CA1: variants seen among roughly 807,000 people sequenced by gnomAD.
The protein encoded by CA1 is carbonic anhydrase 1, also known as carbonate dehydratase I.
CA1 carries 27 observed loss-of-function variants against 28.8 expected under a neutral mutation model. That is an observed-to-expected ratio of 0.94 (90% CI 0.69 to 1.29). The LOEUF (loss-of-function observed/expected upper bound fraction) is 1.29. Among genes scored for constraint, CA1 ranks in the 50% most tolerant of loss-of-function variants. The pLI, the probability that CA1 is intolerant of heterozygous loss-of-function variation, is 0.00. For missense variants in CA1, 335 were observed against 310.5 expected, an observed-to-expected ratio of 1.08 and a Z score of -0.59; for synonymous variants, 121 against 108.8, an observed-to-expected ratio of 1.11 and a Z score of -0.70.
intron 1 of CA1, among the ~76,000 whole-genome samples, chr8:85,371,703 G>A (rs966632807): frequency 2.6e-5 from 4 of 152,138 alleles, no homozygotes; most frequent in Admixed American, 2.0e-4. Context: ...TTTGCTGAGC[G>A]TGAGTGAAGC....
At chr8:85,336,889 G>T in intron 4 of CA1, 56 bp downstream of exon 4, 1 of 1,020,904 alleles carries the variant, frequency 9.8e-7, no homozygotes, top group Non-Finnish European at 1.6e-6. Flanking sequence ...GAAGGGAGAA[G>T]CTGCTTCTGG....
intron 7 of CA1, 25 bp downstream of exon 7, chr8:85,329,664 A>T: frequency 6.3e-7 from 1 of 1,594,176 alleles, no homozygotes; most frequent in Non-Finnish European, 8.6e-7. Flanking sequence ...ACGCATTCCC[A>T]GTTCCCATTC....
chr8:85,344,201 AGTATAT>A (rs1809050687), intron 1 of CA1, among the ~76,000 whole-genome samples: 1 of 112,032 alleles, frequency 8.9e-6, no homozygotes, highest in African/African-American at 5.0e-5. Context: ...TATATTATAC[AGTATAT>A]AATATAATTA....
intron 1 of CA1, among the ~76,000 whole-genome samples, chr8:85,368,401 C>G (rs753735948): frequency 6.6e-6 from 1 of 151,974 alleles, no homozygotes; most frequent in Non-Finnish European, 1.5e-5. Context: ...AACTCCTGAC[C>G]TCATGATCTG....
chr8:85,339,086 A>G (rs1808807029), intron 2 of CA1, among the ~76,000 whole-genome samples: 1 of 152,202 alleles, frequency 6.6e-6, no homozygotes. Context: ...CTCATAGTCT[A>G]TAGAATCAGA....
chr8:85,361,366 G>C (rs1048450138), intron 1 of CA1, among the ~76,000 whole-genome samples: 1 of 152,166 alleles, frequency 6.6e-6, no homozygotes, highest in Non-Finnish European at 1.5e-5. Context: ...AGATAATAAA[G>C]AAGAAAATGT....
chr8:85,375,101 G>A (rs1412953941), intron 1 of CA1, among the ~76,000 whole-genome samples: 1 of 152,170 alleles, frequency 6.6e-6, no homozygotes, highest in Non-Finnish European at 1.5e-5. Flanking sequence ...GATCTTGGAA[G>A]TAAATCAAGC....
Position 85,376,706 on chromosome 8 carries a change from T to A in CA1, c.-25+1340A>T, listed in dbSNP as rs185984264. Among the ~76,000 whole-genome samples, 117 of 138,088 alleles carry A rather than the reference T, an allele frequency of 8.5e-4. No homozygotes were observed. The South Asian group carries it at 0.02, about 24-fold the overall frequency. The allele number at this position is 138,088 out of a possible 152,430, so 90.6% of individuals were successfully genotyped here. On this transcript the variant is annotated intron_variant, in intron 1 of 7. Transcript: ENST00000523022. ...ATAAATAAATAAATAAATAAATAAA[T>A]AAAACTAGGTAAGGGTACACATGAT...
In CA1 at chr8:85,351,493, A is replaced by G. The variant is rs142049263; in HGVS notation, c.-24-9834T>C. Among the ~76,000 whole-genome samples the G allele has an allele frequency of 4.1e-3, 625 of 152,346 alleles. 4 individuals are homozygous for G. The highest frequency in any genetic ancestry group is 0.014 in the African/African-American group (595 of 41,582). ...TGACAGCACTGCTCTAGCATGATGG[A>G]CATGCCTTCTGTATGAGATGAGTAT... On this transcript the variant is annotated intron_variant, in intron 1 of 7. Transcript: ENST00000523022.
chr8:85,357,588 A>G (rs1054966698), intron 1 of CA1, among the ~76,000 whole-genome samples: 1 of 152,200 alleles, frequency 6.6e-6, no homozygotes, highest in South Asian at 2.1e-4. Context: ...TATTATTTCA[A>G]ATTTGAAGGT....
At chr8:85,336,915 A>T in intron 4 of CA1, 30 bp downstream of exon 4, 1 of 1,276,582 alleles carries the variant, frequency 7.8e-7, no homozygotes, top group Non-Finnish European at 1.1e-6. Flanking sequence ...CTCTCAGGGT[A>T]ATTATCTCTC....
At chr8:85,368,758 T>A (rs1810107383) in intron 1 of CA1, among the ~76,000 whole-genome samples, 1 of 152,134 alleles carries the variant, frequency 6.6e-6, no homozygotes, top group South Asian at 2.1e-4. Context: ...CTTTATACTA[T>A]CTTGGGGGCA....
intron 1 of CA1, among the ~76,000 whole-genome samples, chr8:85,362,854 A>G (rs1809852245): frequency 6.6e-6 from 1 of 152,168 alleles, no homozygotes; most frequent in African/African-American, 2.4e-5. Context: ...TTTTGATGAA[A>G]ATATCAATGC....
chr8:85,367,275 A>T (rs1810044350), intron 1 of CA1, among the ~76,000 whole-genome samples: 1 of 152,166 alleles, frequency 6.6e-6, no homozygotes, highest in Admixed American at 6.5e-5. Flanking sequence ...CCTTTTGAAT[A>T]CTATTTTATT....
chr8:85,358,445 C>G (rs1809681268), intron 1 of CA1, among the ~76,000 whole-genome samples: 1 of 152,158 alleles, frequency 6.6e-6, no homozygotes, highest in Non-Finnish European at 1.5e-5. Flanking sequence ...TGCTTCCCCT[C>G]TTTAGAAGGA....
At chr8:85,331,939 T>C (rs962830954) in intron 6 of CA1, among the ~76,000 whole-genome samples, 6 of 152,126 alleles carry the variant, frequency 3.9e-5, no homozygotes, top group African/African-American at 1.4e-4. Flanking sequence ...ATAAATCAGA[T>C]TCATTTTACA....
chr8:85,358,450 G>C (rs1388666170), intron 1 of CA1, among the ~76,000 whole-genome samples: 2 of 152,092 alleles, frequency 1.3e-5, no homozygotes, highest in East Asian at 3.8e-4. Flanking sequence ...CCCCTCTTTA[G>C]AAGGAAAGAT....
At position 85,338,343 on chromosome 8, in the gene CA1, A is replaced by G. The variant is rs750675238; in HGVS notation, c.144T>C (p.Ile48=). The part of the protein sequence containing the change: ...ETKHDTSLKP[I]SVSYNPATAK... ...CTGTGGCTGGGTTGTAGGAGACACT[A>G]ATAGGTTTCAGAGAGGTGTCATGTT... is the stretch of plus-strand genomic sequence containing the variant. Residue 48 remains isoleucine, a synonymous_variant, in exon 3 of 8, where the codon ATT becomes ATC. Transcript: ENST00000523022. 1 of 1,613,670 alleles carries G rather than the reference A, an allele frequency of 6.2e-7. No individual in the cohort carries two copies. Among genetic ancestry groups the G allele is most frequent in the East Asian group, 2.2e-5 (1 of 44,872 alleles).
intron 1 of CA1, among the ~76,000 whole-genome samples, chr8:85,343,522 C>T (rs567821295): frequency 2.6e-5 from 4 of 152,246 alleles, no homozygotes; most frequent in African/African-American, 7.2e-5. Context: ...TACTTCACTC[C>T]GGAAGCTCAT....
Sources: gnomAD v4.1 joint callset for allele counts (sites outside exome capture counted in the v4.1 genomes callset) on GRCh38, gnomAD v4.1.1 for gene constraint, MANE v1.5 for transcripts, NCBI Gene and HGNC (gene_info 2026-07-23, HGNC 2026-07-21) for gene names.